Variants in PKN3 observed in about 807,000 individuals in gnomAD.
PKN3 encodes the protein protein kinase N3, also known as serine/threonine-protein kinase N3.
PKN3 carries 91 observed loss-of-function variants against 113.1 expected under a neutral mutation model. The ratio of observed to expected loss-of-function variants is 0.80; its 90% confidence interval spans 0.68 to 0.96. PKN3 has a LOEUF of 0.96. Ranked by LOEUF, PKN3 falls within the 40% of genes least tolerant of loss-of-function variation. The probability of loss-of-function intolerance (pLI) is 0.00; values close to 1 mark genes in which losing one functional copy is unlikely to be tolerated. For synonymous variants in PKN3, 467 were observed against 499.0 expected (o/e 0.94, Z 0.85); for missense variants, 1,052 against 1,202.2 (o/e 0.88, Z 1.85).
At position 128,714,379 on chromosome 9, in the gene PKN3, T is replaced by TTGCCCTAGACTGCA; in HGVS notation, c.1481+18_1481+31dup. 3.8e-6 allele frequency: 6 copies of TTGCCCTAGACTGCA among 1,595,172 alleles called. No homozygotes were observed. Among genetic ancestry groups the TTGCCCTAGACTGCA allele is most frequent in the Non-Finnish European group, 5.1e-6 (6 of 1,168,898 alleles). On this transcript the variant is annotated intron_variant, in intron 11 of 21. Coordinates refer to ENST00000291906, the MANE Select transcript of PKN3 (RefSeq NM_013355.5). ...TGCCACTCCCAGGTGAGGAGCTCCC[T>TTGCCCTAGACTGCA]TGCCCTAGACTGCATGCTCCTCTGT... is the stretch of plus-strand genomic sequence containing the variant.
intron 11 of PKN3, 56 bp downstream of exon 11, chr9:128,714,421 C>T: frequency 4.2e-6 from 6 of 1,424,854 alleles, no homozygotes; most frequent in Admixed American, 1.7e-5. Flanking sequence ...TTCCTGACTC[C>T]AGATCCAGGC....
chr9:128,715,404 C>T lies in PKN3; in HGVS notation c.1752C>T (p.Tyr584=). The T allele has an allele frequency of 6.2e-7, 1 of 1,614,074 alleles. No individual in the cohort carries two copies. The highest frequency in any genetic ancestry group is 8.5e-7 in the Non-Finnish European group (1 of 1,179,992). ...LLVQFKGTGK[Y]YAIKALKKQE... is the part of the protein sequence containing the mutation. The stretch of plus-strand genomic sequence containing the variant: ...TCCAGTTCAAGGGGACAGGGAAATA[C>T]TACGCCATCAAAGCACTGAAGAAGC... The change falls in exon 15 of 22, where the codon TAC becomes TAT. Residue 584 remains tyrosine, a synonymous_variant. Coordinates refer to ENST00000291906, the MANE Select transcript of PKN3 (RefSeq NM_013355.5). This position sits in a 1 kb window ranked among gnomAD's most constrained non-coding sequence, Gnocchi z 4.1.
Position 128,707,237 on chromosome 9 carries a change from C to T in PKN3, c.667C>T (p.Gln223Ter), listed in dbSNP as rs935554283. 6 of 1,608,902 alleles carry T rather than the reference C, an allele frequency of 3.7e-6. No homozygotes were observed. The highest frequency in any genetic ancestry group is 5.1e-6 in the Non-Finnish European group (6 of 1,176,372). Residue 223 changes from glutamine to a stop codon, truncating the protein, a stop_gained, in exon 6 of 22, where the codon CAG becomes TAG. Transcript: ENST00000291906. LOFTEE classifies it high-confidence loss of function. ...CCCTCTGCAGGCCCAGGCCCAGCTA[C>T]AGGAGTCCTCTCAGAAACTGGACCT... ...KALAEAQAQLQESSQKLDLLR... is the reference protein window; with the variant it reads ...KALAEAQAQL
intron 9 of PKN3, 99 bp downstream of exon 9, chr9:128,713,741 A>T: frequency 3.2e-6 from 4 of 1,245,112 alleles, no homozygotes; most frequent in Non-Finnish European, 3.4e-6. Context: ...GCAGAGACTG[A>T]CGACCAGAGA....
At position 128,719,118 on chromosome 9, in the gene PKN3, G is replaced by A. The variant is rs139967752; in HGVS notation, c.2125+493G>A. 5.2e-3 allele frequency among the ~76,000 whole-genome samples: 792 copies of A among 151,692 alleles called. 4 individuals carry two copies. The highest frequency in any genetic ancestry group is 0.018 in the African/African-American group (730 of 41,380). ...TCACTGTGTTAGCGAGGATGGTCTC[G>A]ATCTCCTGACCTCATGATCCACCCA... On this transcript the variant is annotated intron_variant, in intron 18 of 21. Transcript: ENST00000291906.
rs1159173878 is a variant in PKN3, at chr9:128,718,281, G to A, written c.1986-44G>A. 6.5e-7 allele frequency: 1 copy of A among 1,541,158 alleles called. No homozygotes were observed. The highest frequency in any genetic ancestry group is 1.1e-5 in the South Asian group (1 of 89,564). On this transcript the variant is annotated intron_variant, in intron 16 of 21. Coordinates refer to ENST00000291906, the MANE Select transcript of PKN3 (RefSeq NM_013355.5). Reference sequence around the variant, plus strand: ...TGGTGCCTCCCTGCCCTGCCTCCCTGGTGTGTGTCTTGGGCCTGAGTTCTC... The same window carrying A: ...TGGTGCCTCCCTGCCCTGCCTCCCTAGTGTGTGTCTTGGGCCTGAGTTCTC...
In PKN3 at chr9:128,714,083, G is replaced by A. The variant is rs141019196; in HGVS notation, c.1274G>A (p.Arg425Gln). The A allele has an allele frequency of 5.1e-4, 826 of 1,614,098 alleles. 4 individuals are homozygous for A. The highest frequency in any genetic ancestry group is 1.4e-3 in the South Asian group (132 of 91,076). Reference protein sequence around the residue: ...FCDPVIERRPRLQRQERIFSK... With the variant: ...FCDPVIERRPQLQRQERIFSK... ...GATCCTGTCATTGAGAGGCGGCCCC[G>A]GCTGCAGAGGCAGGAACGCATCTTC... The change falls in exon 10 of 22, where the codon CGG (arginine) becomes CAG (glutamine). Residue 425 changes from arginine to glutamine, a missense_variant. Physicochemically the swap from Arg to Gln is conservative, Grantham distance 43. Transcript: ENST00000291906.
intron 9 of PKN3, 97 bp from the exon 10 acceptor site, chr9:128,713,949 C>T: frequency 1.6e-6 from 2 of 1,262,736 alleles, no homozygotes; most frequent in East Asian, 2.3e-5. Context: ...CATCTGTTGA[C>T]CCTGGGGGCT....
chr9:128,718,332 G>A lies in PKN3; in HGVS notation c.1993G>A (p.Val665Met), dbSNP rs762012967. 10 of 1,613,686 alleles carry A rather than the reference G, an allele frequency of 6.2e-6. No individual in the cohort carries two copies. Among genetic ancestry groups the A allele is most frequent in the African/African-American group, 4.0e-5 (3 of 74,856 alleles). ...CCATAACCACCCCTGCAGCTTCTACGTGGCTTGTGTTGTCCTGGGGCTGCA... is the reference window on the plus strand; with the variant it reads ...CCATAACCACCCCTGCAGCTTCTACATGGCTTGTGTTGTCCTGGGGCTGCA... ...VFPEPQARFYVACVVLGLQFL... is the reference protein window; with the variant it reads ...VFPEPQARFYMACVVLGLQFL... The change falls in exon 17 of 22, where the codon GTG becomes ATG. Residue 665 changes from valine to methionine, a missense_variant. This residue lies in a region of PKN3 where 333 missense variants were observed against 442.8 expected (regional missense o/e 0.75). Transcript: ENST00000291906.
At position 128,713,326 on chromosome 9, in the gene PKN3, C is replaced by G. The variant is rs764868009; in HGVS notation, c.1031C>G (p.Thr344Arg). The change falls in exon 8 of 22, where the codon ACG (threonine) becomes AGG (arginine). Residue 344 changes from threonine to arginine, a missense_variant. Transcript: ENST00000291906. ...LKVDNRVVGQ[T>R]GWGQVAEQSW... is the part of the protein sequence containing the mutation. Reference sequence around the variant, plus strand: ...GTGGACAACCGTGTTGTGGGGCAGACGGGCTGGGGGCAGGTGGCCGAACAG... The same window carrying G: ...GTGGACAACCGTGTTGTGGGGCAGAGGGGCTGGGGGCAGGTGGCCGAACAG... 8 of 1,614,002 alleles carry G rather than the reference C, an allele frequency of 5.0e-6. No individual in the cohort carries two copies. The highest frequency in any genetic ancestry group is 6.8e-6 in the Non-Finnish European group (8 of 1,180,024).
chr9:128,703,752 CCCAAGCCAGTCGTTTAGG>C, intron 1 of PKN3: 1 of 985,340 alleles, frequency 1.0e-6, no homozygotes, highest in Non-Finnish European at 1.2e-6. Context: ...TCCTTGAGCG[CCCAAGCCAGTCGTTTAGG>C]CCGCCTTCAG....
rs1264151007 is a variant in PKN3, at chr9:128,719,803, T to C, written c.2243T>C (p.Leu748Pro). The change falls in exon 19 of 22, where the codon CTG becomes CCG. Residue 748 changes from leucine (L) to proline (P), a missense_variant. By Grantham distance (98) the Leu-to-Pro change is moderately conservative. Coordinates refer to ENST00000291906, the MANE Select transcript of PKN3 (RefSeq NM_013355.5). ...GTGGACTGGTGGGGGCTGGGTGTGCTGCTCTACGAGATGCTGGTGGGTGAG... is the reference window on the plus strand; with the variant it reads ...GTGGACTGGTGGGGGCTGGGTGTGCCGCTCTACGAGATGCTGGTGGGTGAG... ...RAVDWWGLGV[L>P]LYEMLVGECP... 1.2e-6 allele frequency: 2 copies of C among 1,606,342 alleles called. No homozygotes were observed. The highest frequency in any genetic ancestry group is 1.7e-6 in the Non-Finnish European group (2 of 1,176,026).
At position 128,714,807 on chromosome 9, in the gene PKN3, C is replaced by A. The variant is rs150658893; in HGVS notation, c.1594C>A (p.Arg532Ser). The A allele has an allele frequency of 5.1e-5, 83 of 1,613,934 alleles. No homozygotes were observed. Among genetic ancestry groups the A allele is most frequent in the Admixed American group, 3.5e-4 (21 of 60,010 alleles). The stretch of plus-strand genomic sequence containing the variant: ...TCCTCTATACTCACAGCGCACCAAA[C>A]GTCCCCATATGGAGCCTAGGACTCG... Reference protein sequence around the residue: ...PTSEETPRTKRPHMEPRTRRG... With the variant: ...PTSEETPRTKSPHMEPRTRRG... The change falls in exon 13 of 22, where the codon CGT becomes AGT. Residue 532 changes from arginine to serine, a missense_variant. Arg to Ser is a moderately radical substitution (Grantham distance 110). Around this residue, in one of 2 missense-constraint regions of PKN3, gnomAD observed 719 missense variants for 759.4 expected, o/e 0.95. Coordinates refer to ENST00000291906, the MANE Select transcript of PKN3 (RefSeq NM_013355.5).
intron 1 of PKN3, among the ~76,000 whole-genome samples, chr9:128,703,171 G>A (rs1861905416): frequency 6.6e-6 from 1 of 152,216 alleles, no homozygotes; most frequent in African/African-American, 2.4e-5. Flanking sequence ...CTGACCCGGA[G>A]ACTGAACCCC....
chr9:128,706,953 C>G lies in PKN3; in HGVS notation c.581C>G (p.Ala194Gly), dbSNP rs753618170. The change falls in exon 5 of 22, where the codon GCT becomes GGT. Residue 194 changes from alanine to glycine, a missense_variant. Transcript: ENST00000291906. ...QHRLHVEAAV[A>G]EGAKNVVKLL... ...CGACTGCACGTTGAGGCAGCTGTGG[C>G]TGAGGGCGCCAAGAACGTGGTGAAA... The G allele has an allele frequency of 4.3e-6, 7 of 1,614,208 alleles. No homozygotes were observed. The highest frequency in any genetic ancestry group is 1.6e-4 in the Middle Eastern group (1 of 6,062).
At chr9:128,703,535 G>A in intron 1 of PKN3, 1 of 985,430 alleles carries the variant, frequency 1.0e-6, no homozygotes, top group Non-Finnish European at 1.2e-6. Context: ...GTAGGTGCGC[G>A]TGGGCCCGGA....
In PKN3 at chr9:128,713,055, C is replaced by A; in HGVS notation, c.839C>A (p.Thr280Lys). 1 of 1,602,238 alleles carries A rather than the reference C, an allele frequency of 6.2e-7. No homozygotes were observed. The highest frequency in any genetic ancestry group is 8.5e-7 in the Non-Finnish European group (1 of 1,172,480). Residue 280 changes from threonine to lysine, a missense_variant, in exon 7 of 22, where the codon ACA (threonine) becomes AAA (lysine). Physicochemically the swap from Thr to Lys is moderately conservative, Grantham distance 78. Coordinates refer to ENST00000291906, the MANE Select transcript of PKN3 (RefSeq NM_013355.5). ...CCCCCGCTCACTCTCCCCACAGGGA[C>A]ACTGCAGGTCCGCCTCCTGGGCTGT... ...TPVKPTALTG[T>K]LQVRLLGCEQ...
Position 128,716,755 on chromosome 9 carries a change from G to T in PKN3, c.1817G>T (p.Cys606Phe). 1 of 1,613,810 alleles carries T rather than the reference G, an allele frequency of 6.2e-7. No individual in the cohort carries two copies. The highest frequency in any genetic ancestry group is 1.1e-5 in the South Asian group (1 of 91,072). The change falls in exon 16 of 22, where the codon TGC becomes TTC. Residue 606 changes from cysteine (C) to phenylalanine (F), a missense_variant. Cys to Phe is a radical substitution (Grantham distance 205, BLOSUM62 -2). This residue lies in a region of PKN3 where 333 missense variants were observed against 442.8 expected (regional missense o/e 0.75). Coordinates refer to ENST00000291906, the MANE Select transcript of PKN3 (RefSeq NM_013355.5). ...LSRDEIESLY[C>F]EKRILEAVGC... is the part of the protein sequence containing the mutation. The stretch of plus-strand genomic sequence containing the variant: ...CTTGCTCTCTCCTGTAGCCTGTACT[G>T]CGAGAAGCGGATCCTGGAGGCTGTG...
Position 128,715,124 on chromosome 9 carries a change from C to A in PKN3, c.1653-48C>A. Reference sequence around the variant, plus strand: ...GGCTTGGAGTGGCTCTGGGTAGGGGCCCAGCCAGTGCCCTAGGGGACTTCA... The same window carrying A: ...GGCTTGGAGTGGCTCTGGGTAGGGGACCAGCCAGTGCCCTAGGGGACTTCA... On this transcript the variant is annotated intron_variant, in intron 13 of 21. Coordinates refer to ENST00000291906, the MANE Select transcript of PKN3 (RefSeq NM_013355.5). The surrounding 1 kb of genome is among the most constrained non-coding windows in gnomAD (Gnocchi z 4.1). The A allele has an allele frequency of 1.3e-6, 2 of 1,585,040 alleles. No homozygotes were observed. The highest frequency in any genetic ancestry group is 1.7e-6 in the Non-Finnish European group (2 of 1,154,488).
Sources: allele counts gnomAD v4.1 joint callset (sites outside exome capture counted in the v4.1 genomes callset), GRCh38; gene constraint gnomAD v4.1.1; regional missense constraint gnomAD v4.1.1; non-coding constraint Gnocchi (gnomAD v3.1); transcripts MANE v1.5; gene names NCBI Gene and HGNC (gene_info 2026-07-23, HGNC 2026-07-21).